KCTD16: variants seen among roughly 807,000 people sequenced by gnomAD.
KCTD16 encodes the protein potassium channel tetramerization domain containing 16.
In KCTD16, 13 loss-of-function variants were observed where a neutral mutation model predicts 33.2. That is an observed-to-expected ratio of 0.39 (90% CI 0.25 to 0.62). The LOEUF is 0.62. Among genes scored for constraint, KCTD16 ranks in the 20% least tolerant of loss-of-function variants. The pLI, the probability that KCTD16 is intolerant of heterozygous loss-of-function variation, is 0.50. For synonymous variants in KCTD16, 197 were observed against 195.3 expected (o/e 1.01, Z -0.07); for missense variants, 441 against 525.1 (o/e 0.84, Z 1.57).
chr5:144,343,461 T>A (rs1194910726), intron 3 of KCTD16, among the ~76,000 whole-genome samples: 1 of 152,216 alleles, frequency 6.6e-6, no homozygotes, highest in African/African-American at 2.4e-5. Flanking sequence ...TATTTGATTC[T>A]TCTCTTTTTT....
chr5:144,430,369 G>A (rs557105630), intron 3 of KCTD16, among the ~76,000 whole-genome samples: 8 of 152,266 alleles, frequency 5.3e-5, no homozygotes, highest in African/African-American at 1.9e-4. Context: ...TAAGGTTCAG[G>A]TGGTGTGAGG....
At chr5:144,361,745 T>C (rs981370094) in intron 3 of KCTD16, among the ~76,000 whole-genome samples, 2 of 152,186 alleles carry the variant, frequency 1.3e-5, no homozygotes, top group African/African-American at 2.4e-5. Flanking sequence ...AATCTCATTA[T>C]GGATACAAAA....
intron 3 of KCTD16, among the ~76,000 whole-genome samples, chr5:144,298,831 T>C (rs1015721543): frequency 2.0e-5 from 3 of 151,520 alleles, no homozygotes; most frequent in African/African-American, 7.3e-5. Context: ...CACTTTGGTC[T>C]CTCCCCAACT....
At chr5:144,291,181 C>A (rs1019506779) in intron 3 of KCTD16, among the ~76,000 whole-genome samples, 3 of 152,184 alleles carry the variant, frequency 2.0e-5, no homozygotes, top group African/African-American at 7.2e-5. Context: ...CAAGCATGCC[C>A]TGCCTAAAAC....
intron 3 of KCTD16, among the ~76,000 whole-genome samples, chr5:144,447,230 G>C (rs1430313257): frequency 6.6e-6 from 1 of 152,078 alleles, no homozygotes; most frequent in Non-Finnish European, 1.5e-5. Context: ...TTCAGCCATA[G>C]CAAAGAATGA....
chr5:144,319,995 G>A (rs1752032104), intron 3 of KCTD16, among the ~76,000 whole-genome samples: 1 of 152,016 alleles, frequency 6.6e-6, no homozygotes, highest in East Asian at 1.9e-4. Flanking sequence ...TTGACTGAAA[G>A]CTCCTCTTTT....
At chr5:144,447,428 G>T (rs2074993182) in intron 3 of KCTD16, among the ~76,000 whole-genome samples, 2 of 152,048 alleles carry the variant, frequency 1.3e-5, no homozygotes, top group Non-Finnish European at 2.9e-5. Flanking sequence ...ACAAGGGGAG[G>T]CATAGCATTA....
chr5:144,279,568 T>C (rs1314204621), intron 3 of KCTD16, among the ~76,000 whole-genome samples: 1 of 152,212 alleles, frequency 6.6e-6, no homozygotes, highest in African/African-American at 2.4e-5. Flanking sequence ...GGCTGAGAAG[T>C]CCAAGATCAA....
chr5:144,452,146 T>TTATATATATATATATATA lies in KCTD16; in HGVS notation c.833-21512_833-21495dup, dbSNP rs140891816. On this transcript the variant is annotated intron_variant, in intron 3 of 3. Transcript: ENST00000512467. ...CAAAACACATTAAATATATATAATATTATATATATATATATATATTCCTGT... is the reference window on the plus strand; with the variant it reads ...CAAAACACATTAAATATATATAATATTATATATATATATATATATATATATATATATATATATTCCTGT... 1.9e-3 allele frequency among the ~76,000 whole-genome samples: 260 copies of TTATATATATATATATATA among 138,140 alleles called. 7 individuals are homozygous for TTATATATATATATATATA. The highest frequency in any genetic ancestry group is 7.5e-3 in the African/African-American group (253 of 33,798). 90.6% of individuals were successfully genotyped at this position (138,140 alleles called of 152,430 possible).
At chr5:144,417,162 T>C (rs1474655963) in intron 3 of KCTD16, among the ~76,000 whole-genome samples, 1 of 152,226 alleles carries the variant, frequency 6.6e-6, no homozygotes, top group Admixed American at 6.5e-5. Context: ...TTTAACTTTC[T>C]GAGGAACCAC....
intron 3 of KCTD16, among the ~76,000 whole-genome samples, chr5:144,359,145 G>A (rs1247704628): frequency 4.6e-5 from 7 of 152,172 alleles, no homozygotes; most frequent in South Asian, 2.1e-4. Flanking sequence ...TTACTGCATC[G>A]GAAATTACAT....
At chr5:144,252,624 G>A (rs1445133092) in intron 3 of KCTD16, among the ~76,000 whole-genome samples, 4 of 149,878 alleles carry the variant, frequency 2.7e-5, no homozygotes, top group Non-Finnish European at 5.9e-5. Flanking sequence ...TTTTTTTTCA[G>A]TAGGGGTTCA....
At chr5:144,276,871 C>G (rs1479918638) in intron 3 of KCTD16, among the ~76,000 whole-genome samples, 1 of 151,730 alleles carries the variant, frequency 6.6e-6, no homozygotes, top group African/African-American at 2.4e-5. Flanking sequence ...CCACTGCACT[C>G]CAGCCTGGGC....
chr5:144,295,470 G>A (rs971799104), intron 3 of KCTD16, among the ~76,000 whole-genome samples: 1 of 152,164 alleles, frequency 6.6e-6, no homozygotes, highest in African/African-American at 2.4e-5. Flanking sequence ...AACTCCAGGG[G>A]AGGCAGTGTG....
At chr5:144,464,803 G>A (rs937194501) in intron 3 of KCTD16, among the ~76,000 whole-genome samples, 4 of 147,750 alleles carry the variant, frequency 2.7e-5, no homozygotes, top group African/African-American at 5.0e-5. Context: ...TCATAGCTGC[G>A]AATTGTTAGG....
At chr5:144,340,114 C>A (rs1752589259) in intron 3 of KCTD16, among the ~76,000 whole-genome samples, 1 of 152,042 alleles carries the variant, frequency 6.6e-6, no homozygotes, top group African/African-American at 2.4e-5. Context: ...TGTGGTCATG[C>A]TTAAAAATCA....
chr5:144,283,824 G>A (rs1458355895), intron 3 of KCTD16, among the ~76,000 whole-genome samples: 1 of 152,118 alleles, frequency 6.6e-6, no homozygotes, highest in African/African-American at 2.4e-5. Context: ...TCATTACCTG[G>A]AGGATATAAA....
chr5:144,266,051 A>T (rs1203065293), intron 3 of KCTD16, among the ~76,000 whole-genome samples: 1 of 147,132 alleles, frequency 6.8e-6, no homozygotes, highest in Non-Finnish European at 1.5e-5. Context: ...TTGAATCCAG[A>T]TGTGTTTCTG....
At chr5:144,439,474 A>G (rs1390080351) in intron 3 of KCTD16, 1 of 263,352 alleles carries the variant, frequency 3.8e-6, no homozygotes, top group African/African-American at 2.3e-5. Context: ...CCAGATGGTA[A>G]ATGAAGTTGG....
Sources: allele counts gnomAD v4.1 joint callset (sites outside exome capture counted in the v4.1 genomes callset), GRCh38; gene constraint gnomAD v4.1.1; transcripts MANE v1.5; gene names NCBI Gene and HGNC (gene_info 2026-07-23, HGNC 2026-07-21).